The following DEPDC4 variants were observed in gnomAD, a reference collection of about 807,000 sequenced individuals.
DEPDC4 encodes the protein DEP domain containing 4.
Under a neutral mutation model 52.0 loss-of-function variants are expected in DEPDC4, and 52 were observed. The ratio of observed to expected loss-of-function variants is 1.00; its 90% CI spans 0.80 to 1.26. The LOEUF is 1.26. Among genes scored for constraint, DEPDC4 ranks in the 50% most tolerant of loss-of-function variants. The pLI, the probability that DEPDC4 is intolerant of heterozygous loss-of-function variation, is 0.00. For missense variants in DEPDC4, 530 were observed against 546.9 expected, an observed-to-expected ratio of 0.97 and a Z score of 0.31; for synonymous variants, 201 against 196.8, an observed-to-expected ratio of 1.02 and a Z score of -0.18.
chr12:100,255,032 C>CT (rs900122899), intron 4 of DEPDC4, among the ~76,000 whole-genome samples: 2 of 152,208 alleles, frequency 1.3e-5, no homozygotes, highest in African/African-American at 4.8e-5. Flanking sequence ...CCTCCTTTCT[C>CT]TTTTTTTCTC....
chr12:100,267,167 C>T (rs1016951338), upstream of DEPDC4: 9 of 1,426,060 alleles, frequency 6.3e-6, no homozygotes, highest in African/African-American at 5.7e-5. Flanking sequence ...CCCCGGCCGG[C>T]AGGTCTTTTA....
chr12:100,243,653 A>G (rs564829707), intron 8 of DEPDC4, among the ~76,000 whole-genome samples: 141 of 151,886 alleles, frequency 9.3e-4, no homozygotes, highest in Non-Finnish European at 1.7e-3. Flanking sequence ...TTTTTTTTCA[A>G]TACCCCCTTT....
At chr12:100,259,081 A>AAT (rs1555312802) in intron 3 of DEPDC4, among the ~76,000 whole-genome samples, 2,369 of 149,168 alleles carry the variant, frequency 0.016, 62 homozygotes, top group African/African-American at 0.055. Flanking sequence ...AAAAAAAAAA[A>AAT]ATATATATAT....
At position 100,252,254 on chromosome 12, in the gene DEPDC4, C is replaced by T; in HGVS notation, c.1296G>A (p.Leu432=). The T allele has an allele frequency of 7.2e-7, 1 of 1,384,464 alleles. No homozygotes were observed. The highest frequency in any genetic ancestry group is 9.4e-7 in the Non-Finnish European group (1 of 1,065,876). 85.8% of individuals were successfully genotyped at this position (1,384,464 alleles called of 1,614,324 possible). ...GCACTTTTAATAATGATTTGGCTTGCAAAACTGATTTGGCAAGAGTTTTCA... is the reference window on the plus strand; with the variant it reads ...GCACTTTTAATAATGATTTGGCTTGTAAAACTGATTTGGCAAGAGTTTTCA... ...VVLKTLAKSV[L]QAKSLLKVRA... The change falls in exon 7 of 10, where the codon TTG becomes TTA. Residue 432 remains leucine, a synonymous_variant. Coordinates refer to ENST00000550587, the MANE Select transcript of DEPDC4 (RefSeq NM_001364818.2).
the DEPDC4 span, among the ~76,000 whole-genome samples, chr12:100,280,280 G>A: frequency 3.3e-5 from 5 of 152,248 alleles, no homozygotes; most frequent in South Asian, 4.1e-4. Flanking sequence ...GAAATAAAAT[G>A]TATAGAAAAA....
chr12:100,240,879 A>G lies in DEPDC4; in HGVS notation c.*1013T>C, dbSNP rs2096155954. ...ACTAGCCTGGCCAACATGGCGAAAC[A>G]CTGTCTCTACTAAAACTACAAAAAT... On this transcript the variant is annotated 3_prime_UTR_variant, in exon 10 of 10. Coordinates refer to ENST00000550587, the MANE Select transcript of DEPDC4 (RefSeq NM_001364818.2). Among the ~76,000 whole-genome samples, 1 of 151,980 alleles carries G rather than the reference A, an allele frequency of 6.6e-6. No homozygotes were observed. The highest frequency in any genetic ancestry group is 1.5e-5 in the Non-Finnish European group (1 of 67,974).
chr12:100,234,414 T>C (rs2096138506), intron 9 of DEPDC4, among the ~76,000 whole-genome samples: 1 of 152,178 alleles, frequency 6.6e-6, no homozygotes, highest in Admixed American at 6.5e-5. Context: ...GGATTCTCGC[T>C]GAAGACTGGC....
At chr12:100,259,762 G>C (rs1371227557) in intron 3 of DEPDC4, among the ~76,000 whole-genome samples, 1 of 152,164 alleles carries the variant, frequency 6.6e-6, no homozygotes, top group African/African-American at 2.4e-5. Context: ...ATGCTATTTA[G>C]AGATACGAGT....
rs566539290 is a variant in DEPDC4, at chr12:100,232,211, G to C, written c.*699+5757C>G. ...GTTTGAGACCAGCCTGGCCAACATG[G>C]TGAAACCCTGTCTCTACTAAAAAAC... On this transcript the variant is annotated intron_variant and NMD_transcript_variant, in intron 9 of 10. Transcript: ENST00000378244. 2.0e-5 allele frequency among the ~76,000 whole-genome samples: 3 copies of C among 151,874 alleles called. No individual in the cohort carries two copies. The East Asian group carries it at 5.9e-4, about 30-fold the overall frequency.
intron 9 of DEPDC4, among the ~76,000 whole-genome samples, chr12:100,234,333 G>A (rs1466090273): frequency 6.6e-6 from 1 of 152,280 alleles, no homozygotes; most frequent in Middle Eastern, 3.4e-3. Context: ...CAGGTCAGGG[G>A]TCAATGAATG....
At chr12:100,243,969 A>G (rs1205311905) in intron 8 of DEPDC4, among the ~76,000 whole-genome samples, 1 of 150,896 alleles carries the variant, frequency 6.6e-6, no homozygotes, top group Non-Finnish European at 1.5e-5. Flanking sequence ...CCTTCCTAAC[A>G]TATTTTTCTC....
chr12:100,263,993 G>T (rs1487726510), intron 1 of DEPDC4, 100 bp from the exon 2 acceptor site: 15 of 1,024,724 alleles, frequency 1.5e-5, no homozygotes, highest in Non-Finnish European at 2.0e-5. Context: ...AGGCATATCT[G>T]CTGGTAATGT....
intron 5 of DEPDC4, 33 bp from the exon 6 acceptor site, chr12:100,252,569 A>G (rs770795365): frequency 4.7e-5 from 73 of 1,557,294 alleles, no homozygotes; most frequent in Non-Finnish European, 6.2e-5. Flanking sequence ...AACAAAGCAT[A>G]AGATGAAAAA....
At chr12:100,267,746 G>A (rs2096280515), upstream of DEPDC4, 1 of 152,412 alleles carries the variant, frequency 6.6e-6, no homozygotes, top group Non-Finnish European at 1.5e-5. Context: ...TTCGGTGGTG[G>A]AGAACGTAGT....
upstream of DEPDC4, among the ~76,000 whole-genome samples, chr12:100,269,834 G>A (rs2096285446): frequency 6.6e-6 from 1 of 152,096 alleles, no homozygotes; most frequent in African/African-American, 2.4e-5. Context: ...TATAGGTTCC[G>A]ATTCCAAAGG....
At chr12:100,266,883 C>T in intron 1 of DEPDC4, 37 bp downstream of exon 1, 2 of 1,593,820 alleles carry the variant, frequency 1.3e-6, no homozygotes, top group Non-Finnish European at 1.7e-6. Flanking sequence ...GCCCCCTCCA[C>T]CTTCACTGCA....
chr12:100,262,000 A>C (rs1226925481), intron 3 of DEPDC4, among the ~76,000 whole-genome samples: 1 of 152,230 alleles, frequency 6.6e-6, no homozygotes, highest in Non-Finnish European at 1.5e-5. Context: ...AGAATGTACA[A>C]CACCAAGGCT....
chr12:100,263,603 A>G lies in DEPDC4; in HGVS notation c.448T>C (p.Phe150Leu). Residue 150 changes from phenylalanine to leucine, a missense_variant, in exon 2 of 10, where the codon TTT becomes CTT. Transcript: ENST00000550587. ...TAGAGACTAATGTTGGAATCTTCAA[A>G]TTCTAATTCCTTTTCTTTTTTGAAA... ...KLFKKEKELE[F>L]EDSNISLYRF... is the part of the protein sequence containing the mutation. The G allele has an allele frequency of 6.2e-7, 1 of 1,614,116 alleles. No homozygotes were observed. Among genetic ancestry groups the G allele is most frequent in the Non-Finnish European group, 8.5e-7 (1 of 1,180,012 alleles).
At chr12:100,242,937 A>G (rs1044791609) in intron 8 of DEPDC4, among the ~76,000 whole-genome samples, 3 of 152,196 alleles carry the variant, frequency 2.0e-5, no homozygotes, top group Admixed American at 1.3e-4. Context: ...AAGGAAATAC[A>G]GTAATTCACC....
Sources: allele counts gnomAD v4.1 joint callset (sites outside exome capture counted in the v4.1 genomes callset), GRCh38; gene constraint gnomAD v4.1.1; transcripts MANE v1.5; gene names NCBI Gene and HGNC (gene_info 2026-07-23, HGNC 2026-07-21).